Variants in PAFAH1B2 observed in about 807,000 individuals in gnomAD.
PAFAH1B2 encodes the protein platelet activating factor acetylhydrolase 1b catalytic subunit 2.
PAFAH1B2 carries 8 observed loss-of-function variants against 28.0 expected under a neutral mutation model. The ratio of observed to expected loss-of-function variants is 0.29; its 90% confidence interval spans 0.17 to 0.52. The LOEUF (loss-of-function observed/expected upper bound fraction) is 0.52, where lower values mean the gene tolerates loss of function less well. Ranked by LOEUF, PAFAH1B2 falls within the 20% of genes least tolerant of loss-of-function variation. The probability of loss-of-function intolerance (pLI) is 0.97; values close to 1 mark genes in which losing one functional copy is unlikely to be tolerated. For missense variants in PAFAH1B2, 190 were observed against 282.6 expected (o/e 0.67, Z 2.35); for synonymous variants, 104 against 103.2 (o/e 1.01, Z -0.05).
rs571386787 is a variant in PAFAH1B2 at position 117,168,376 on chromosome 11, C to G, written c.*677C>G. On this transcript the variant is annotated 3_prime_UTR_variant, in exon 6 of 6. Coordinates refer to ENST00000527958, the MANE Select transcript of PAFAH1B2 (RefSeq NM_002572.4). ...GCTGAATATCATGTCTATAATAGACCCGTGCATGCAGCCTTTCCTCCTTAT... is the reference window on the plus strand; with the variant it reads ...GCTGAATATCATGTCTATAATAGACGCGTGCATGCAGCCTTTCCTCCTTAT... The G allele has an allele frequency of 1.9e-4, 199 of 1,060,706 alleles. No individual in the cohort carries two copies. In the African/African-American group the frequency reaches 3.2e-3, roughly 17 times the overall value. The allele number at this position is 1,060,706 out of a possible 1,614,324, so 65.7% of individuals were successfully genotyped here. A position where few individuals can be genotyped will look rare whatever the true frequency, so the allele number is the denominator to read the frequency against.
chr11:117,164,649 G>A (rs138776911), intron 5 of PAFAH1B2, among the ~76,000 whole-genome samples: 42 of 152,240 alleles, frequency 2.8e-4, no homozygotes, highest in African/African-American at 1.0e-3. Flanking sequence ...CTTTATAGTT[G>A]TACCCTGAAC....
downstream of PAFAH1B2, among the ~76,000 whole-genome samples, chr11:117,177,254 G>A (rs1043363082): frequency 1.2e-4 from 18 of 152,144 alleles, no homozygotes; most frequent in South Asian, 2.1e-4. Flanking sequence ...TATATACATT[G>A]TAGAACATTT....
chr11:117,172,522 C>A (rs1956696271), downstream of PAFAH1B2, among the ~76,000 whole-genome samples: 1 of 150,870 alleles, frequency 6.6e-6, no homozygotes. Flanking sequence ...GTTAAAAGAT[C>A]AAGTCCAAGC....
rs1264300848 is a variant in PAFAH1B2, at chr11:117,168,240, T to C, written c.*541T>C. 1 of 1,061,884 alleles carries C rather than the reference T, an allele frequency of 9.4e-7. No homozygotes were observed. Among genetic ancestry groups the C allele is most frequent in the Non-Finnish European group, 1.1e-6 (1 of 876,992 alleles). 65.8% of individuals were successfully genotyped at this position (1,061,884 alleles called of 1,614,324 possible). ...CTTGTCATTGATATATGGAAGATGC[T>C]ATAGTTAGAAGTGAATTTGTTCTGC... On this transcript the variant is annotated 3_prime_UTR_variant, in exon 6 of 6. Transcript: ENST00000527958.
At chr11:117,163,534 G>A (rs958880784) in intron 4 of PAFAH1B2, among the ~76,000 whole-genome samples, 3 of 152,112 alleles carry the variant, frequency 2.0e-5, no homozygotes, top group South Asian at 2.1e-4. Context: ...TTAGCTGGGC[G>A]TGGCGGCACA....
Position 117,168,446 on chromosome 11 carries a change from G to GGTTGTTTTTTTTTTTTTTTT in PAFAH1B2, c.*747_*748insGTTGTTTTTTTTTTTTTTTT. 6 of 234,812 alleles carry GGTTGTTTTTTTTTTTTTTTT rather than the reference G, an allele frequency of 2.6e-5. No individual in the cohort carries two copies. The highest frequency in any genetic ancestry group is 3.0e-5 in the Non-Finnish European group (6 of 200,704). The allele number at this position is 234,812 out of a possible 1,614,324, so 14.5% of individuals were successfully genotyped here. On this transcript the variant is annotated 3_prime_UTR_variant, in exon 6 of 6. Coordinates refer to ENST00000527958, the MANE Select transcript of PAFAH1B2 (RefSeq NM_002572.4). ...TCCCCTTCATTCCCCCCGCCACCCC[G>GGTTGTTTTTTTTTTTTTTTT]TTTTTTTTTTTTTTTTTTTTTTTTT...
intron 5 of PAFAH1B2, 36 bp from the exon 6 acceptor site, chr11:117,167,385 G>T (rs1956536456): frequency 6.7e-7 from 1 of 1,501,958 alleles, no homozygotes; most frequent in African/African-American, 1.4e-5. Context: ...AAAAATAAGT[G>T]AATCTTCTAA....
Position 117,168,349 on chromosome 11 carries a change from C to G in PAFAH1B2, c.*650C>G. The G allele has an allele frequency of 9.4e-7, 1 of 1,058,538 alleles. No individual in the cohort carries two copies. Among genetic ancestry groups the G allele is most frequent in the Non-Finnish European group, 1.1e-6 (1 of 875,476 alleles). 65.6% of individuals were successfully genotyped at this position (1,058,538 alleles called of 1,614,324 possible). ...TCTTTGGAGGGTATTATTTTTTATG[C>G]TGCTGAATATCATGTCTATAATAGA... On this transcript the variant is annotated 3_prime_UTR_variant, in exon 6 of 6. Coordinates refer to ENST00000527958, the MANE Select transcript of PAFAH1B2 (RefSeq NM_002572.4).
At chr11:117,146,995 G>A (rs987887597) in intron 1 of PAFAH1B2, among the ~76,000 whole-genome samples, 2 of 151,896 alleles carry the variant, frequency 1.3e-5, no homozygotes, top group African/African-American at 4.8e-5. Flanking sequence ...CCGGCCGGGC[G>A]TGGTGGCTCA....
At chr11:117,146,351 C>T (rs1299587524) in intron 1 of PAFAH1B2, among the ~76,000 whole-genome samples, 1 of 152,004 alleles carries the variant, frequency 6.6e-6, no homozygotes, top group East Asian at 1.9e-4. Flanking sequence ...CCTCGGCCTC[C>T]CAAAGTGCTG....
downstream of PAFAH1B2, among the ~76,000 whole-genome samples, chr11:117,172,327 A>C (rs1956665916): frequency 8.1e-6 from 1 of 123,278 alleles, no homozygotes; most frequent in Non-Finnish European, 1.7e-5. Flanking sequence ...CCTTTTGCCT[A>C]CTTGCTGGTT....
At chr11:117,172,357 TATATATATATATATATATATA>T (rs1956667800), downstream of PAFAH1B2, among the ~76,000 whole-genome samples, 1 of 1,790 alleles carries the variant, frequency 5.6e-4, no homozygotes, top group African/African-American at 1.0e-3. Flanking sequence ...TTTATATATA[TATATATATATATATATATATA>T]TATATATATA....
At chr11:117,147,222 C>T (rs1166080704) in intron 1 of PAFAH1B2, among the ~76,000 whole-genome samples, 1 of 152,060 alleles carries the variant, frequency 6.6e-6, no homozygotes, top group African/African-American at 2.4e-5. Context: ...GAGCCAAGGT[C>T]GCGCCGTTGT....
At chr11:117,176,287 T>C (rs1005807268) in exon 6 of PAFAH1B2, 10 of 351,728 alleles carry the variant, frequency 2.8e-5, no homozygotes, top group Non-Finnish European at 5.2e-5. Context: ...ATGCTGTGCT[T>C]GGACAGGGGC....
At position 117,168,096 on chromosome 11, in the gene PAFAH1B2, T is replaced by C; in HGVS notation, c.*397T>C. The C allele has an allele frequency of 1.9e-6, 2 of 1,057,464 alleles. No individual in the cohort carries two copies. Among genetic ancestry groups the C allele is most frequent in the South Asian group, 4.6e-5 (1 of 21,874 alleles). The allele number at this position is 1,057,464 out of a possible 1,614,324, so 65.5% of individuals were successfully genotyped here. ...AATTATCAGAATCATTCTACTTGGC[T>C]TTAAAACATGTTTTCTCCAATTTTT... is the stretch of plus-strand genomic sequence containing the variant. On this transcript the variant is annotated 3_prime_UTR_variant, in exon 6 of 6. Coordinates refer to ENST00000527958, the MANE Select transcript of PAFAH1B2 (RefSeq NM_002572.4).
chr11:117,148,638 C>T (rs1325161862), intron 1 of PAFAH1B2, among the ~76,000 whole-genome samples: 1 of 152,124 alleles, frequency 6.6e-6, no homozygotes, highest in Non-Finnish European at 1.5e-5. Context: ...AATTGTAGCT[C>T]TAAGCTGGGA....
At chr11:117,157,758 T>C (rs1445519830) in intron 2 of PAFAH1B2, among the ~76,000 whole-genome samples, 2 of 152,058 alleles carry the variant, frequency 1.3e-5, no homozygotes, top group Non-Finnish European at 2.9e-5. Context: ...AGACCCCATC[T>C]TTGGGAAAAA....
At chr11:117,156,931 A>G (rs1266251890) in intron 2 of PAFAH1B2, among the ~76,000 whole-genome samples, 2 of 151,886 alleles carry the variant, frequency 1.3e-5, no homozygotes, top group African/African-American at 4.8e-5. Context: ...AGCCCTCCCC[A>G]GCCTGAGCCT....
chr11:117,175,368 C>T, downstream of PAFAH1B2: 4 of 1,069,856 alleles, frequency 3.7e-6, no homozygotes, highest in Non-Finnish European at 4.5e-6. Flanking sequence ...CAGAAAGGAC[C>T]TATTCATAAG....
Sources: allele counts gnomAD v4.1 joint callset (sites outside exome capture counted in the v4.1 genomes callset), GRCh38; gene constraint gnomAD v4.1.1; transcripts MANE v1.5; gene names NCBI Gene and HGNC (gene_info 2026-07-23, HGNC 2026-07-21).